Variants in TSPAN16 observed in about 807,000 individuals in gnomAD.
The protein encoded by TSPAN16 is tetraspanin 16, also known as tetraspanin-16.
Under a neutral mutation model 25.2 loss-of-function variants are expected in TSPAN16, and 23 were observed. That is an observed-to-expected ratio of 0.91 (90% CI 0.66 to 1.29). The LOEUF (loss-of-function observed/expected upper bound fraction) is 1.29. Among genes scored for constraint, TSPAN16 ranks in the 50% most tolerant of loss-of-function variants. The pLI is 0.00. For missense variants in TSPAN16, 272 were observed against 299.9 expected (o/e 0.91, Z 0.69); for synonymous variants, 123 against 124.4 (o/e 0.99, Z 0.08).
chr19:11,322,593 TTC>T (rs2080786561), intron 6 of TSPAN16: 1 of 152,184 alleles, frequency 6.6e-6, no homozygotes, highest in African/African-American at 2.4e-5. Flanking sequence ...AACATCAGTT[TTC>T]AGTCCCCAGA....
intron 5 of TSPAN16, among the ~76,000 whole-genome samples, chr19:11,307,595 A>T (rs568783667): frequency 4.6e-4 from 68 of 148,300 alleles, no homozygotes; most frequent in Admixed American, 4.7e-4. Context: ...ATTTTTTTTT[A>T]ATTTTTATTT....
At chr19:11,316,086 G>GGTGTGTGTGTGT (rs147500274), downstream of TSPAN16, 1,709 of 257,522 alleles carry the variant, frequency 6.6e-3, 18 homozygotes, top group African/African-American at 0.017. Context: ...AATTATTCTT[G>GGTGTGTGTGTGT]GTGTGTGTGT....
chr19:11,325,299 G>C (rs1047868283), intron 6 of TSPAN16: 5 of 742,108 alleles, frequency 6.7e-6, no homozygotes, highest in Non-Finnish European at 8.7e-6. Flanking sequence ...CAGGAGGGAA[G>C]GGATTGCCCT....
At chr19:11,326,268 CT>C (rs2080812387) in intron 6 of TSPAN16, among the ~76,000 whole-genome samples, 2 of 151,626 alleles carry the variant, frequency 1.3e-5, no homozygotes, top group African/African-American at 4.8e-5. Flanking sequence ...GCAGTCTCAG[CT>C]ACTCGGAAGG....
chr19:11,310,510 C>T (rs182299271), intron 5 of TSPAN16, among the ~76,000 whole-genome samples: 4 of 114,678 alleles, frequency 3.5e-5, no homozygotes, highest in South Asian at 3.2e-4. Flanking sequence ...AGCCAAATTC[C>T]GTCTCAAAAA....
intron 5 of TSPAN16, 57 bp from the exon 6 acceptor site, chr19:11,312,082 C>T (rs1029953686): frequency 7.2e-6 from 10 of 1,380,126 alleles, no homozygotes; most frequent in African/African-American, 1.4e-5. Flanking sequence ...TTGATGGGGA[C>T]TTGCAATCCA....
chr19:11,306,962 T>C (rs1047008838), intron 5 of TSPAN16: 5 of 509,346 alleles, frequency 9.8e-6, no homozygotes, highest in Non-Finnish European at 1.4e-5. Flanking sequence ...ATCACAGGCA[T>C]GCACCGCCAC....
At chr19:11,300,871 T>C (rs2080537623) in intron 3 of TSPAN16, 1 of 194,190 alleles carries the variant, frequency 5.1e-6, no homozygotes, top group Admixed American at 5.6e-5. Context: ...GAAGATGATA[T>C]TCAATTCTTT....
Position 11,298,234 on chromosome 19 carries a change from C to T in TSPAN16, c.162C>T (p.Leu54=), listed in dbSNP as rs2080501545. ...TCCTCGGGCTGTCCTCCGCATACCT[C>T]CTTCACGTTGGCAACCTGTGCCTGG... ...TNVLGLSSAY[L]LHVGNLCLVM... Residue 54 remains leucine, a synonymous_variant, in exon 2 of 7, where the codon CTC becomes CTT. Transcript: ENST00000590327. 2 of 1,614,062 alleles carry T rather than the reference C, an allele frequency of 1.2e-6. No individual in the cohort carries two copies. The highest frequency in any genetic ancestry group is 1.7e-5 in the Admixed American group (1 of 59,990).
At position 11,310,297 on chromosome 19, in the gene TSPAN16, G is replaced by A. The variant is rs144509910; in HGVS notation, c.604-1842G>A. 5.6e-4 allele frequency among the ~76,000 whole-genome samples: 85 copies of A among 151,928 alleles called. 1 individual carries two copies. The East Asian group carries it at 0.015, about 27-fold the overall frequency. ...TCCCAGCACTTTGGGAGGCTGAGGT[G>A]TGTGGATCACCTGAGGTCAGGAGTT... is the stretch of plus-strand genomic sequence containing the variant. On this transcript the variant is annotated intron_variant, in intron 5 of 6. Transcript: ENST00000590327.
chr19:11,308,444 G>A (rs2147948380), intron 5 of TSPAN16, among the ~76,000 whole-genome samples: 2 of 150,694 alleles, frequency 1.3e-5, no homozygotes, highest in Middle Eastern at 3.4e-3. Context: ...GATTACAGGC[G>A]TGTGCTACCA....
chr19:11,316,811 CTTT>C (rs71164185), downstream of TSPAN16, among the ~76,000 whole-genome samples: 2 of 129,612 alleles, frequency 1.5e-5, no homozygotes, highest in Admixed American at 8.0e-5. Context: ...CCCCCCCCGC[CTTT>C]TTTTTTTTTT....
chr19:11,305,143 C>A (rs1176961221), intron 4 of TSPAN16, among the ~76,000 whole-genome samples: 1 of 152,092 alleles, frequency 6.6e-6, no homozygotes, highest in Non-Finnish European at 1.5e-5. Flanking sequence ...GAATGTCTCT[C>A]TTTCATTCAT....
intron 4 of TSPAN16, among the ~76,000 whole-genome samples, chr19:11,302,230 ACT>A (rs1392183768): frequency 2.7e-5 from 4 of 150,754 alleles, no homozygotes; most frequent in Admixed American, 6.7e-5. Context: ...CCAAACTAAA[ACT>A]CTGTCCCATG....
At chr19:11,305,049 G>T (rs934872366) in intron 4 of TSPAN16, among the ~76,000 whole-genome samples, 1 of 152,096 alleles carries the variant, frequency 6.6e-6, no homozygotes, top group Non-Finnish European at 1.5e-5. Context: ...TTCTCAAAGT[G>T]TTGGGATTAT....
chr19:11,302,398 G>A (rs183579911), intron 4 of TSPAN16, among the ~76,000 whole-genome samples: 136 of 151,052 alleles, frequency 9.0e-4, no homozygotes, highest in African/African-American at 3.1e-3. Context: ...GCATGGTGGC[G>A]TGTGCCTGTA....
At chr19:11,318,451 C>T (rs775606386), downstream of TSPAN16, among the ~76,000 whole-genome samples, 44 of 145,160 alleles carry the variant, frequency 3.0e-4, no homozygotes, top group Admixed American at 1.2e-3. Context: ...TGAGCCACTG[C>T]GCCCGGCCAG....
At chr19:11,312,694 T>C (rs2080706182) in intron 6 of TSPAN16, among the ~76,000 whole-genome samples, 1 of 152,020 alleles carries the variant, frequency 6.6e-6, no homozygotes, top group African/African-American at 2.4e-5. Flanking sequence ...GAGCCTGGGA[T>C]ATCAAGGCTA....
chr19:11,298,838 G>A, intron 2 of TSPAN16, 34 bp from the exon 3 acceptor site: 1 of 1,600,446 alleles, frequency 6.2e-7, no homozygotes, highest in Non-Finnish European at 8.6e-7. Context: ...GGCTGAGCAG[G>A]CTCCCAGGCC....
Sources: allele counts gnomAD v4.1 joint callset (sites outside exome capture counted in the v4.1 genomes callset), GRCh38; gene constraint gnomAD v4.1.1; transcripts MANE v1.5; gene names NCBI Gene and HGNC (gene_info 2026-07-23, HGNC 2026-07-21).